Variants in ADRA1B observed in about 807,000 individuals in gnomAD.
ADRA1B encodes adrenoceptor alpha 1B.
ADRA1B carries 17 observed loss-of-function variants against 17.9 expected under a neutral mutation model. That is an observed-to-expected ratio of 0.95 (90% CI 0.65 to 1.42). ADRA1B has a LOEUF of 1.42. Among genes scored for constraint, ADRA1B ranks in the 40% most tolerant of loss-of-function variants. ADRA1B has a pLI of 0.00. For synonymous variants in ADRA1B, 366 were observed against 327.6 expected (o/e 1.12, Z -1.27); for missense variants, 681 against 722.1 (o/e 0.94, Z 0.65).
At chr5:159,938,825 G>A (rs547569274) in intron 1 of ADRA1B, among the ~76,000 whole-genome samples, 1 of 152,296 alleles carries the variant, frequency 6.6e-6, no homozygotes, top group East Asian at 1.9e-4. Flanking sequence ...AACCAAAGAA[G>A]ACTCTTAAGT....
At chr5:159,925,977 C>CA (rs934703743) in intron 1 of ADRA1B, among the ~76,000 whole-genome samples, 5 of 151,838 alleles carry the variant, frequency 3.3e-5, no homozygotes, top group African/African-American at 1.2e-4. Context: ...CTCTCTCCAG[C>CA]AACCTCGTGA....
intron 1 of ADRA1B, among the ~76,000 whole-genome samples, chr5:159,866,710 A>C (rs1561578059): frequency 6.6e-6 from 1 of 152,202 alleles, no homozygotes; most frequent in Non-Finnish European, 1.5e-5. Context: ...CCAAAAGTTA[A>C]GTGTTTTTTC....
upstream of ADRA1B, among the ~76,000 whole-genome samples, chr5:159,913,572 A>G (rs1477122253): frequency 6.6e-6 from 1 of 152,206 alleles, no homozygotes; most frequent in East Asian, 1.9e-4. Context: ...ACATCCTGAC[A>G]CCTGAATCAA....
Position 159,942,169 on chromosome 5 carries a change from G to A in ADRA1B, c.949+24315G>A, listed in dbSNP as rs905252794. ...GATCTCCTGACCTCGTGATCCGCCC[G>A]CCTCGGCCTCCCAAAGTGCTGGGAT... On this transcript the variant is annotated intron_variant, in intron 1 of 1. Transcript: ENST00000306675. Among the ~76,000 whole-genome samples the A allele has an allele frequency of 1.5e-4, 23 of 152,148 alleles. No individual in the cohort carries two copies. In the East Asian group the frequency reaches 2.5e-3, roughly 17 times the overall value.
chr5:159,988,961 G>C, the ADRA1B span, among the ~76,000 whole-genome samples: 1 of 152,214 alleles, frequency 6.6e-6, no homozygotes, highest in Non-Finnish European at 1.5e-5. Flanking sequence ...GAATAATGCT[G>C]CTATGAGGAT....
chr5:159,972,182 A>G lies in ADRA1B; in HGVS notation c.1253A>G (p.Gln418Arg). Residue 418 changes from glutamine (Q) to arginine (R), a missense_variant, in exon 2 of 2, where the codon CAG becomes CGG. This residue lies in a region of ADRA1B where 251 missense variants were observed against 224.9 expected (regional missense o/e 1.12). Transcript: ENST00000306675. The stretch of plus-strand genomic sequence containing the variant: ...AGCGGCAGCTGCCTGAGCGGCAGCC[A>G]GCGGACCCTGCCCTCGGCCTCGCCG... The part of the protein sequence containing the change: ...DDSGSCLSGS[Q>R]RTLPSASPSP... 2 of 1,360,794 alleles carry G rather than the reference A, an allele frequency of 1.5e-6. No homozygotes were observed. The highest frequency in any genetic ancestry group is 3.3e-5 in the East Asian group (1 of 30,446). 84.3% of individuals were successfully genotyped at this position (1,360,794 alleles called of 1,614,324 possible).
intron 1 of ADRA1B, chr5:159,871,311 C>G (rs1032535477): frequency 6.6e-6 from 1 of 152,210 alleles, no homozygotes; most frequent in Non-Finnish European, 1.5e-5. Flanking sequence ...CCCATTATAA[C>G]TGGAAGTTGG....
chr5:159,984,278 A>T, the ADRA1B span, among the ~76,000 whole-genome samples: 2 of 152,136 alleles, frequency 1.3e-5, no homozygotes, highest in Non-Finnish European at 2.9e-5. Flanking sequence ...TTTCATAGGC[A>T]TCTCAAACTT....
At chr5:159,956,226 A>C (rs111749638) in intron 1 of ADRA1B, among the ~76,000 whole-genome samples, 1 of 152,162 alleles carries the variant, frequency 6.6e-6, no homozygotes, top group African/African-American at 2.4e-5. Context: ...GGATGACAGG[A>C]GGAGACCCGT....
At chr5:159,968,952 G>T (rs1259249520) in intron 1 of ADRA1B, among the ~76,000 whole-genome samples, 2 of 152,178 alleles carry the variant, frequency 1.3e-5, no homozygotes, top group Non-Finnish European at 2.9e-5. Context: ...CTCAGTGACA[G>T]AAATAAGCCC....
At chr5:159,948,550 CA>C (rs1197507747) in intron 1 of ADRA1B, 4 of 884,542 alleles carry the variant, frequency 4.5e-6, no homozygotes, top group South Asian at 1.0e-4. Flanking sequence ...ATCAGAAAAA[CA>C]AAAAAAGATA....
chr5:159,865,899 A>C (rs542468521), intron 1 of ADRA1B, among the ~76,000 whole-genome samples: 13 of 152,212 alleles, frequency 8.5e-5, no homozygotes, highest in Non-Finnish European at 1.8e-4. Context: ...ATTATTTCTG[A>C]TGTGGCAGCT....
intron 1 of ADRA1B, among the ~76,000 whole-genome samples, chr5:159,965,747 G>A (rs942085104): frequency 8.5e-5 from 13 of 152,304 alleles, no homozygotes; most frequent in Middle Eastern, 3.4e-3. Flanking sequence ...ACACTGCCCC[G>A]CTGTGGTGAA....
the ADRA1B span, among the ~76,000 whole-genome samples, chr5:159,988,717 C>T: frequency 6.6e-6 from 1 of 152,164 alleles, no homozygotes; most frequent in Non-Finnish European, 1.5e-5. Context: ...GTGGTGCATG[C>T]CTGCAATCCC....
At chr5:159,987,549 A>G in the ADRA1B span, among the ~76,000 whole-genome samples, 81 of 152,278 alleles carry the variant, frequency 5.3e-4, no homozygotes, top group South Asian at 2.7e-3. Context: ...CCCGCGCGCC[A>G]CCCGCTGGCC....
chr5:159,897,880 C>T (rs1045378019), intron 1 of ADRA1B, among the ~76,000 whole-genome samples: 4 of 152,170 alleles, frequency 2.6e-5, no homozygotes, highest in Non-Finnish European at 5.9e-5. Context: ...ATAAAAGGCC[C>T]GATGGCAGAG....
At chr5:159,873,288 C>T (rs908831432) in intron 1 of ADRA1B, among the ~76,000 whole-genome samples, 1 of 152,034 alleles carries the variant, frequency 6.6e-6, no homozygotes, top group African/African-American at 2.4e-5. Context: ...TGGGTTTATA[C>T]CCAAGATCTG....
At chr5:159,878,526 T>G (rs1397203829) in intron 1 of ADRA1B, among the ~76,000 whole-genome samples, 2 of 152,246 alleles carry the variant, frequency 1.3e-5, no homozygotes, top group Non-Finnish European at 2.9e-5. Flanking sequence ...TGTTATTGGC[T>G]GATAACAATA....
the ADRA1B span, among the ~76,000 whole-genome samples, chr5:159,981,869 A>T: frequency 1.3e-5 from 2 of 152,224 alleles, no homozygotes; most frequent in Non-Finnish European, 2.9e-5. Context: ...CCAGTGATGC[A>T]TACTTAGAAA....
Sources: gnomAD v4.1 joint callset for allele counts (sites outside exome capture counted in the v4.1 genomes callset) on GRCh38, gnomAD v4.1.1 for gene constraint, gnomAD v4.1.1 regional missense constraint, MANE v1.5 for transcripts, NCBI Gene and HGNC (gene_info 2026-07-23, HGNC 2026-07-21) for gene names.